TOP3A: variants seen among roughly 807,000 people sequenced by gnomAD.
The protein encoded by TOP3A is DNA topoisomerase III alpha.
In TOP3A, 64 loss-of-function variants were observed where a neutral mutation model predicts 111.3. That is an observed-to-expected ratio of 0.57 (90% CI 0.47 to 0.71). TOP3A has a LOEUF of 0.71. Ranked by LOEUF, TOP3A falls within the 30% of genes least tolerant of loss-of-function variation. TOP3A has a pLI of 0.00. For missense variants in TOP3A, 1,104 were observed against 1,285.0 expected, an observed-to-expected ratio of 0.86 and a Z score of 2.15; for synonymous variants, 484 against 485.1, an observed-to-expected ratio of 1.00 and a Z score of 0.03.
In TOP3A at chr17:18,271,823, G is replaced by C. The variant is rs1328192098; in HGVS notation, c.*2979C>G. 4 of 433,298 alleles carry C rather than the reference G, an allele frequency of 9.2e-6. No homozygotes were observed. Among genetic ancestry groups the C allele is most frequent in the Non-Finnish European group, 1.4e-5 (3 of 214,966 alleles). The allele number at this position is 433,298 out of a possible 1,614,324, so 26.8% of individuals were successfully genotyped here. The stretch of plus-strand genomic sequence containing the variant: ...CTGCCTGTTAATCCTAGCACTTTGG[G>C]AGGCCGAGGCTGGTAGATCACCTGA... On this transcript the variant is annotated 3_prime_UTR_variant, in exon 19 of 19. Transcript: ENST00000321105.
intron 9 of TOP3A, among the ~76,000 whole-genome samples, chr17:18,295,413 G>A (rs918554555): frequency 6.6e-6 from 1 of 151,962 alleles, no homozygotes; most frequent in Non-Finnish European, 1.5e-5. Context: ...CTCCCAAAGT[G>A]CTGGGATTAC....
At chr17:18,307,831 AC>A (rs1981671864) in intron 3 of TOP3A, among the ~76,000 whole-genome samples, 4 of 148,232 alleles carry the variant, frequency 2.7e-5, no homozygotes, top group African/African-American at 1.0e-4. Context: ...AATCGCTTGA[AC>A]CCAGGAGGCG....
chr17:18,283,325 C>T (rs955055062), intron 15 of TOP3A, among the ~76,000 whole-genome samples: 2 of 151,950 alleles, frequency 1.3e-5, no homozygotes, highest in South Asian at 2.1e-4. Context: ...GCCAAGATCA[C>T]GCCATTGCAC....
chr17:18,303,100 C>G (rs1400553526), intron 5 of TOP3A: 1 of 180,322 alleles, frequency 5.5e-6, no homozygotes, highest in Non-Finnish European at 1.2e-5. Flanking sequence ...TGTCCCAACC[C>G]TGTGCTCACA....
At position 18,314,582 on chromosome 17, in the gene TOP3A, G is replaced by C. The variant is rs775745960; in HGVS notation, c.180+17C>G. The stretch of plus-strand genomic sequence containing the variant: ...CCTCCCTTAAGGCACGCAGCTGATC[G>C]GAACGCGCTTTCTTACCCGCCTCAT... On this transcript the variant is annotated intron_variant, in intron 1 of 18. Coordinates refer to ENST00000321105, the MANE Select transcript of TOP3A (RefSeq NM_004618.5). 2 of 1,599,174 alleles carry C rather than the reference G, an allele frequency of 1.3e-6. No individual in the cohort carries two copies. The highest frequency in any genetic ancestry group is 2.2e-5 in the South Asian group (2 of 89,706).
chr17:18,299,822 T>C (rs574384939), intron 8 of TOP3A, among the ~76,000 whole-genome samples, 189 bp from the exon 9 acceptor site: 2 of 152,324 alleles, frequency 1.3e-5, no homozygotes, highest in East Asian at 3.9e-4. Flanking sequence ...CCATCACTAC[T>C]TTCCCACTCA....
chr17:18,302,068 G>C, intron 7 of TOP3A, 83 bp from the exon 8 acceptor site: 1 of 1,456,412 alleles, frequency 6.9e-7, no homozygotes, highest in Non-Finnish European at 9.5e-7. Flanking sequence ...TTATTGTGGT[G>C]AAAGTCAAAC....
At chr17:18,300,479 C>T (rs940854572) in intron 8 of TOP3A, among the ~76,000 whole-genome samples, 1 of 152,126 alleles carries the variant, frequency 6.6e-6, no homozygotes, top group Admixed American at 6.6e-5. Context: ...ACATCACCCA[C>T]CACGTAGTCC....
rs1488037889 is a variant in TOP3A, at chr17:18,302,657, G to A, written c.566C>T (p.Ala189Val). 6.2e-7 allele frequency: 1 copy of A among 1,614,218 alleles called. No homozygotes were observed. The highest frequency in any genetic ancestry group is 8.5e-7 in the Non-Finnish European group (1 of 1,180,038). The change falls in exon 6 of 19, where the codon GCT becomes GTT. Residue 189 changes from alanine (A) to valine (V), a missense_variant. Coordinates refer to ENST00000321105, the MANE Select transcript of TOP3A (RefSeq NM_004618.5). ...SEITPHAVRT[A>V]CENLTEPDQR... ...ATCAGGCTCGGTCAGGTTTTCACAA[G>A]CTGTCCTGACGGCATGGGGTGTGAT...
chr17:18,286,759 G>T (rs1047570199), intron 13 of TOP3A, among the ~76,000 whole-genome samples: 1 of 152,106 alleles, frequency 6.6e-6, no homozygotes, highest in Non-Finnish European at 1.5e-5. Flanking sequence ...CTACCCAAGA[G>T]AAATGAAAAC....
At chr17:18,294,833 C>A (rs779135306) in intron 9 of TOP3A, 48 bp from the exon 10 acceptor site, 13 of 1,259,818 alleles carry the variant, frequency 1.0e-5, no homozygotes, top group Non-Finnish European at 1.4e-5. Flanking sequence ...ATGGGTCAGG[C>A]AGCACAACTC....
intron 9 of TOP3A, among the ~76,000 whole-genome samples, chr17:18,295,050 T>C (rs1166538729): frequency 6.6e-6 from 1 of 152,252 alleles, no homozygotes; most frequent in Non-Finnish European, 1.5e-5. Context: ...GAAGGTGCTA[T>C]GTTGCGCAGG....
At chr17:18,306,793 A>T in intron 4 of TOP3A, 98 bp downstream of exon 4, 1 of 831,912 alleles carries the variant, frequency 1.2e-6, no homozygotes, top group Non-Finnish European at 2.0e-6. Context: ...TTTGGTGGAA[A>T]ACCTTATCTC....
In TOP3A at chr17:18,285,440, G is replaced by A; in HGVS notation, c.1678C>T (p.Leu560Phe). 3 of 1,614,110 alleles carry A rather than the reference G, an allele frequency of 1.9e-6. No homozygotes were observed. Among genetic ancestry groups the A allele is most frequent in the African/African-American group, 1.3e-5 (1 of 75,006 alleles). ...YVGLTPDKRF[L>F]PGHLGMGLVE... is the part of the protein sequence containing the mutation. ...AGTCCCATGCCCAGGTGCCCAGGGA[G>A]GAACCGCTTGTCTGGGGTGAGGCCC... Residue 560 changes from leucine (L) to phenylalanine (F), a missense_variant, in exon 14 of 19, where the codon CTC (leucine) becomes TTC (phenylalanine). Transcript: ENST00000321105.
chr17:18,293,825 G>A (rs1197214245), intron 10 of TOP3A, among the ~76,000 whole-genome samples: 2 of 152,080 alleles, frequency 1.3e-5, no homozygotes, highest in African/African-American at 4.8e-5. Flanking sequence ...TCGAACTCCT[G>A]ACCTCATGAT....
At chr17:18,286,467 G>A (rs1980113036) in intron 13 of TOP3A, among the ~76,000 whole-genome samples, 1 of 152,116 alleles carries the variant, frequency 6.6e-6, no homozygotes, top group Admixed American at 6.5e-5. Context: ...AGTGAGCGGA[G>A]ATCGAGCCAC....
intron 5 of TOP3A, among the ~76,000 whole-genome samples, chr17:18,304,871 A>G (rs1435470201): frequency 6.6e-6 from 1 of 152,118 alleles, no homozygotes; most frequent in African/African-American, 2.4e-5. Context: ...TCATTAACTC[A>G]TCTAATCTCT....
chr17:18,302,640 C>T lies in TOP3A; in HGVS notation c.583G>A (p.Glu195Lys), dbSNP rs751475957. ...AVRTACENLTEPDQRVSDAVD... is the reference protein window; with the variant it reads ...AVRTACENLTKPDQRVSDAVD... The stretch of plus-strand genomic sequence containing the variant: ...GCATCGCTCACCCTCTGATCAGGCT[C>T]GGTCAGGTTTTCACAAGCTGTCCTG... The change falls in exon 6 of 19, where the codon GAG becomes AAG. Residue 195 changes from glutamate (E) to lysine (K), a missense_variant. Glu to Lys is a moderately conservative substitution (Grantham distance 56). Transcript: ENST00000321105. The T allele has an allele frequency of 4.3e-6, 7 of 1,614,180 alleles. No homozygotes were observed. In the South Asian group the frequency reaches 5.5e-5, roughly 13 times the overall value.
chr17:18,300,043 T>C (rs1981128074), intron 8 of TOP3A, among the ~76,000 whole-genome samples: 1 of 152,062 alleles, frequency 6.6e-6, no homozygotes, highest in African/African-American at 2.4e-5. Context: ...AATACTCCCA[T>C]AAGCCACCAT....
Sources: allele counts gnomAD v4.1 joint callset (sites outside exome capture counted in the v4.1 genomes callset), GRCh38; gene constraint gnomAD v4.1.1; transcripts MANE v1.5; gene names NCBI Gene and HGNC (gene_info 2026-07-23, HGNC 2026-07-21).